MSH4: variants seen among roughly 807,000 people sequenced by gnomAD.
MSH4 encodes mutS homolog 4, also known as mutS protein homolog 4.
Under a neutral mutation model 113.7 loss-of-function variants are expected in MSH4, and 106 were observed. The observed-to-expected ratio is 0.93, with a 90% CI of 0.80 to 1.10. The LOEUF is 1.10. Ranked by LOEUF, MSH4 falls within the 50% of genes least tolerant of loss-of-function variation. The probability of loss-of-function intolerance (pLI) is 0.00; values close to 1 mark genes in which losing one functional copy is unlikely to be tolerated. For synonymous variants in MSH4, 368 were observed against 380.2 expected, an observed-to-expected ratio of 0.97 and a Z score of 0.37; for missense variants, 1,061 against 1,093.7, an observed-to-expected ratio of 0.97 and a Z score of 0.42.
At chr1:75,865,632 G>A (rs1424763593) in intron 8 of MSH4, among the ~76,000 whole-genome samples, 2 of 152,138 alleles carry the variant, frequency 1.3e-5, no homozygotes, top group Admixed American at 6.5e-5. Context: ...TGATTGGAGA[G>A]TTTGTAATAT....
At chr1:75,878,109 C>A in intron 10 of MSH4, 40 bp from the exon 11 acceptor site, 1 of 1,364,592 alleles carries the variant, frequency 7.3e-7, no homozygotes, top group Non-Finnish European at 1.0e-6. Flanking sequence ...AACTCTTTGA[C>A]TTATTGCCTA....
Position 75,883,747 on chromosome 1 carries a change from T to C in MSH4, c.2033T>C (p.Ile678Thr), listed in dbSNP as rs778796540. The C allele has an allele frequency of 6.2e-7, 1 of 1,613,394 alleles. No homozygotes were observed. Among genetic ancestry groups the C allele is most frequent in the Non-Finnish European group, 8.5e-7 (1 of 1,179,612 alleles). The part of the protein sequence containing the change: ...YVTEGSNFLI[I>T]TGPNMSGKST... Reference sequence around the variant, plus strand: ...ACAGAAGGGAGTAATTTTTTGATCATAACTGGACCAAACATGAGTGGAAAA... The same window carrying C: ...ACAGAAGGGAGTAATTTTTTGATCACAACTGGACCAAACATGAGTGGAAAA... The change falls in exon 15 of 20, where the codon ATA (isoleucine) becomes ACA (threonine). Residue 678 changes from isoleucine to threonine, a missense_variant. Transcript: ENST00000263187.
chr1:75,894,221 G>A (rs906692272), intron 17 of MSH4, among the ~76,000 whole-genome samples: 1 of 152,178 alleles, frequency 6.6e-6, no homozygotes, highest in African/African-American at 2.4e-5. Flanking sequence ...GGTGGTAGGG[G>A]CCAAGTTGTG....
Position 75,815,102 on chromosome 1 carries a change from G to C in MSH4, c.781G>C (p.Glu261Gln). The C allele has an allele frequency of 6.2e-7, 1 of 1,603,304 alleles. No homozygotes were observed. The highest frequency in any genetic ancestry group is 8.5e-7 in the Non-Finnish European group (1 of 1,175,246). The change falls in exon 5 of 20, where the codon GAA becomes CAA. Residue 261 changes from glutamate to glutamine, a missense_variant. Coordinates refer to ENST00000263187, the MANE Select transcript of MSH4 (RefSeq NM_002440.4). Reference protein sequence around the residue: ...LEYIEQLCIAEFSTVLMEVQS... With the variant: ...LEYIEQLCIAQFSTVLMEVQS... ...GTACATTGAACAGTTATGCATAGCA[G>C]AATTCAGCACTGTCCTAATGGAGGT... is the stretch of plus-strand genomic sequence containing the variant.
At chr1:75,896,358 C>CAA (rs1320191126) in intron 17 of MSH4, among the ~76,000 whole-genome samples, 3 of 47,820 alleles carry the variant, frequency 6.3e-5, no homozygotes, top group Non-Finnish European at 1.2e-4. Flanking sequence ...CACACACACA[C>CAA]ACACACACAC....
intron 3 of MSH4, among the ~76,000 whole-genome samples, chr1:75,810,412 A>ATTTTT (rs760146124): frequency 1.9e-4 from 20 of 104,486 alleles, no homozygotes; most frequent in East Asian, 2.7e-4. Flanking sequence ...TAATTTTTGT[A>ATTTTT]TTTTTTTTTT....
chr1:75,822,538 A>T lies in MSH4; in HGVS notation c.1119A>T (p.Gln373His). The change falls in exon 7 of 20, where the codon CAA becomes CAT. Residue 373 changes from glutamine (Q) to histidine (H), a missense_variant. Transcript: ENST00000263187. ...ETINMRLDCV[Q>H]ELLQDEELFF... ...TTAACATGAGATTAGATTGTGTTCAAGAACTACTTCAAGATGAGGAACTAT... is the reference window on the plus strand; with the variant it reads ...TTAACATGAGATTAGATTGTGTTCATGAACTACTTCAAGATGAGGAACTAT... The T allele has an allele frequency of 6.4e-7, 1 of 1,563,116 alleles. No individual in the cohort carries two copies. Among genetic ancestry groups the T allele is most frequent in the Non-Finnish European group, 8.6e-7 (1 of 1,160,710 alleles).
chr1:75,806,687 C>G (rs1650075736), intron 2 of MSH4, among the ~76,000 whole-genome samples: 1 of 152,102 alleles, frequency 6.6e-6, no homozygotes, highest in East Asian at 1.9e-4. Flanking sequence ...CTGTACCCTC[C>G]ACAAGCCACC....
chr1:75,895,315 T>C lies in MSH4; in HGVS notation c.2356-2592T>C, dbSNP rs541487019. Among the ~76,000 whole-genome samples the C allele has an allele frequency of 2.4e-4, 37 of 152,256 alleles. No homozygotes were observed. The South Asian group carries it at 7.5e-3, about 31-fold the overall frequency. On this transcript the variant is annotated intron_variant, in intron 17 of 19. Transcript: ENST00000263187. ...GATTCCTTAGGGTATCTCCGTTCTGTCATGCTCTGTGTTAAAGGTCTGTGG... is the reference window on the plus strand; with the variant it reads ...GATTCCTTAGGGTATCTCCGTTCTGCCATGCTCTGTGTTAAAGGTCTGTGG...
rs371758067 is a variant in MSH4 at position 75,807,638 on chromosome 1, T to C, written c.588+497T>C. Among the ~76,000 whole-genome samples, 60 of 152,348 alleles carry C rather than the reference T, an allele frequency of 3.9e-4. 1 individual carries two copies. The highest frequency in any genetic ancestry group is 1.4e-3 in the African/African-American group (59 of 41,584). On this transcript the variant is annotated intron_variant, in intron 3 of 19. Transcript: ENST00000263187. ...ATCATATTAGGCAATACTACTACCT[T>C]ATTATTTTATTTGGAAATTAGGTAT...
chr1:75,837,600 C>G (rs1031262479), intron 7 of MSH4, among the ~76,000 whole-genome samples: 1 of 152,046 alleles, frequency 6.6e-6, no homozygotes, highest in Non-Finnish European at 1.5e-5. Flanking sequence ...GTTGGCCAGG[C>G]TGGTCTCAAA....
chr1:75,879,141 G>A lies in MSH4; in HGVS notation c.1677+13G>A, dbSNP rs5745450. 0.031 allele frequency: 50,488 copies of A among 1,604,452 alleles called. 1,230 individuals carry two copies. The highest frequency in any genetic ancestry group is 0.12 in the African/African-American group (9,236 of 74,580). ...AGAATTTATTAAGGTTCATTTTAGA[G>A]TGGTTAGGAAATTAGTGTTTCTGAT... On this transcript the variant is annotated intron_variant, in intron 12 of 19. Coordinates refer to ENST00000263187, the MANE Select transcript of MSH4 (RefSeq NM_002440.4).
Position 75,796,934 on chromosome 1 carries a change from G to C in MSH4, c.-52G>C. 5.0e-6 allele frequency: 8 copies of C among 1,606,332 alleles called. No individual in the cohort carries two copies. The highest frequency in any genetic ancestry group is 1.3e-5 in the African/African-American group (1 of 74,844). On this transcript the variant is annotated 5_prime_UTR_variant, in exon 1 of 20. Transcript: ENST00000263187. ...CGCAGCTTCTGTAGTTGGGCTACTG[G>C]AGGGGTCGCTCAGAAACCTCATACT...
intron 8 of MSH4, among the ~76,000 whole-genome samples, chr1:75,852,100 A>T (rs1175005845): frequency 6.6e-6 from 1 of 152,230 alleles, no homozygotes; most frequent in Non-Finnish European, 1.5e-5. Context: ...AGATTTGCCT[A>T]TCCTGGACAT....
chr1:75,797,840 G>C (rs1649852727), intron 1 of MSH4, among the ~76,000 whole-genome samples: 1 of 152,180 alleles, frequency 6.6e-6, no homozygotes, highest in Non-Finnish European at 1.5e-5. Context: ...CAGCTACTCA[G>C]GAGGTTGAGG....
At chr1:75,810,911 A>T in intron 4 of MSH4, 104 bp downstream of exon 4, 1 of 533,434 alleles carries the variant, frequency 1.9e-6, no homozygotes, top group Non-Finnish European at 3.1e-6. Context: ...TCACTCTGTC[A>T]CCCAGGCTGG....
chr1:75,823,796 G>T (rs565577050), intron 7 of MSH4, among the ~76,000 whole-genome samples: 1 of 152,224 alleles, frequency 6.6e-6, no homozygotes, highest in Non-Finnish European at 1.5e-5. Context: ...TCCCTGCAGA[G>T]GTCATGAACT....
At chr1:75,848,516 T>C (rs912178058) in intron 8 of MSH4, among the ~76,000 whole-genome samples, 1 of 152,108 alleles carries the variant, frequency 6.6e-6, no homozygotes, top group Non-Finnish European at 1.5e-5. Context: ...TCCCAACACT[T>C]TGGGAGGTCA....
intron 8 of MSH4, among the ~76,000 whole-genome samples, chr1:75,861,050 A>G (rs1023802910): frequency 1.3e-5 from 2 of 152,162 alleles, no homozygotes; most frequent in African/African-American, 2.4e-5. Context: ...CACTTGATCG[A>G]ATCAGCTATT....
Sources: allele counts gnomAD v4.1 joint callset (sites outside exome capture counted in the v4.1 genomes callset), GRCh38; gene constraint gnomAD v4.1.1; transcripts MANE v1.5; gene names NCBI Gene and HGNC (gene_info 2026-07-23, HGNC 2026-07-21).